Variants in LRRC7 observed in about 807,000 individuals in gnomAD.
LRRC7 encodes the protein leucine rich repeat containing 7, also known as leucine-rich repeat-containing protein 7.
Under a neutral mutation model 175.7 loss-of-function variants are expected in LRRC7, and 23 were observed. That is an observed-to-expected ratio of 0.13 (90% confidence interval 0.09 to 0.19). LRRC7 has a LOEUF of 0.19. Ranked by LOEUF, LRRC7 falls within the 10% of genes least tolerant of loss-of-function variation. LRRC7 has a pLI of 1.00. For missense variants in LRRC7, 1,354 were observed against 1,904.7 expected (o/e 0.71, Z 5.38); for synonymous variants, 685 against 680.9 (o/e 1.01, Z -0.09).
intron 7 of LRRC7, among the ~76,000 whole-genome samples, chr1:69,868,715 C>T (rs1466091899): frequency 2.6e-5 from 4 of 151,972 alleles, no homozygotes; most frequent in African/African-American, 4.8e-5. Flanking sequence ...AACAAAGTGC[C>T]ACAGACTTGT....
At chr1:69,844,891 T>C (rs1046412700) in intron 7 of LRRC7, among the ~76,000 whole-genome samples, 9 of 152,180 alleles carry the variant, frequency 5.9e-5, no homozygotes, top group African/African-American at 1.9e-4. Flanking sequence ...AAAAACACTT[T>C]CAACACAGAT....
At chr1:69,801,397 A>G (rs959980250) in intron 4 of LRRC7, among the ~76,000 whole-genome samples, 1 of 151,510 alleles carries the variant, frequency 6.6e-6, no homozygotes. Flanking sequence ...CTCACCACTC[A>G]TCATTGATCT....
At chr1:70,080,914 T>A (rs745390583) in intron 24 of LRRC7, among the ~76,000 whole-genome samples, 4 of 152,206 alleles carry the variant, frequency 2.6e-5, no homozygotes, top group Non-Finnish European at 5.9e-5. Context: ...TCCTATTAGA[T>A]CTCTCCTTTG....
intron 7 of LRRC7, among the ~76,000 whole-genome samples, chr1:69,913,102 G>A (rs991459423): frequency 1.3e-5 from 2 of 152,070 alleles, no homozygotes; most frequent in Admixed American, 6.5e-5. Context: ...CTCAAAATAT[G>A]TGACAGCTTA....
At chr1:69,925,196 G>T (rs576446152) in intron 7 of LRRC7, among the ~76,000 whole-genome samples, 5 of 152,170 alleles carry the variant, frequency 3.3e-5, no homozygotes, top group African/African-American at 7.2e-5. Context: ...GCTGGATTCG[G>T]TTTGCCAGTA....
intron 1 of LRRC7, among the ~76,000 whole-genome samples, chr1:69,591,275 G>A (rs2100957675): frequency 6.6e-6 from 1 of 152,140 alleles, no homozygotes; most frequent in South Asian, 2.1e-4. Flanking sequence ...GAGATGTTCA[G>A]TTACTGTGGA....
At chr1:69,647,664 T>A (rs1209322184) in intron 1 of LRRC7, among the ~76,000 whole-genome samples, 1 of 152,174 alleles carries the variant, frequency 6.6e-6, no homozygotes, top group Admixed American at 6.5e-5. Flanking sequence ...TGGAAAAATA[T>A]CTTTCAGTTC....
chr1:69,916,746 A>C (rs1465068832), intron 7 of LRRC7, among the ~76,000 whole-genome samples: 1 of 152,116 alleles, frequency 6.6e-6, no homozygotes, highest in Non-Finnish European at 1.5e-5. Context: ...ACTGGTTGAG[A>C]AGCTATTTAT....
chr1:69,746,775 CAG>C (rs1464890581), intron 2 of LRRC7, among the ~76,000 whole-genome samples: 2 of 152,042 alleles, frequency 1.3e-5, no homozygotes, highest in African/African-American at 4.8e-5. Flanking sequence ...CTATAGATGT[CAG>C]AGAAGAAGCT....
chr1:69,876,873 A>G (rs893042714), intron 7 of LRRC7, among the ~76,000 whole-genome samples: 5 of 152,188 alleles, frequency 3.3e-5, no homozygotes, highest in Admixed American at 2.6e-4. Flanking sequence ...GTGAAGCATT[A>G]TATTCAGTAC....
intron 7 of LRRC7, among the ~76,000 whole-genome samples, chr1:69,917,526 TA>T (rs767848434): frequency 7.2e-5 from 11 of 152,072 alleles, no homozygotes; most frequent in Admixed American, 2.0e-4. Context: ...TGACAATCAG[TA>T]AAGAGAGGAG....
chr1:69,885,804 C>T (rs1342784991), intron 7 of LRRC7, among the ~76,000 whole-genome samples: 1 of 142,738 alleles, frequency 7.0e-6, no homozygotes, highest in African/African-American at 2.7e-5. Flanking sequence ...CCCAGAGATT[C>T]TGGTATGTTG....
At chr1:69,671,651 T>C (rs1459994581) in intron 1 of LRRC7, among the ~76,000 whole-genome samples, 1 of 152,152 alleles carries the variant, frequency 6.6e-6, no homozygotes, top group Non-Finnish European at 1.5e-5. Flanking sequence ...CCCATGGTAG[T>C]GAGGCTTCCT....
chr1:69,698,066 G>C (rs891801865), intron 2 of LRRC7, among the ~76,000 whole-genome samples: 3 of 152,186 alleles, frequency 2.0e-5, no homozygotes, highest in Non-Finnish European at 2.9e-5. Context: ...AAGAGTTCAG[G>C]AAGTTTAGGG....
intron 26 of LRRC7, among the ~76,000 whole-genome samples, chr1:70,111,130 C>G (rs575680998): frequency 2.0e-5 from 3 of 152,248 alleles, no homozygotes; most frequent in Admixed American, 1.3e-4. Flanking sequence ...TAGCAAATAG[C>G]AAAAGATATA....
chr1:69,972,932 A>G (rs1652400385), intron 8 of LRRC7, among the ~76,000 whole-genome samples: 1 of 146,878 alleles, frequency 6.8e-6, no homozygotes, highest in Admixed American at 6.9e-5. Flanking sequence ...TTTAATATAT[A>G]TATTTATATA....
intron 1 of LRRC7, 28 bp downstream of exon 1, chr1:69,568,669 G>T: frequency 2.3e-6 from 3 of 1,312,452 alleles, no homozygotes; most frequent in Non-Finnish European, 3.0e-6. Flanking sequence ...GCTCCGTGGC[G>T]GAGGGTGCTG....
intron 2 of LRRC7, among the ~76,000 whole-genome samples, chr1:69,731,159 G>A (rs563078407): frequency 3.9e-5 from 6 of 152,114 alleles, no homozygotes; most frequent in Admixed American, 6.5e-5. Flanking sequence ...AAAAATAGCC[G>A]GATGTGGTGG....
intron 2 of LRRC7, among the ~76,000 whole-genome samples, chr1:69,702,788 A>G (rs1663531839): frequency 6.6e-6 from 1 of 152,160 alleles, no homozygotes; most frequent in African/African-American, 2.4e-5. Context: ...TATTATTAAG[A>G]TGAATATATT....
Sources: allele counts gnomAD v4.1 joint callset (sites outside exome capture counted in the v4.1 genomes callset), GRCh38; gene constraint gnomAD v4.1.1; transcripts MANE v1.5; gene names NCBI Gene and HGNC (gene_info 2026-07-23, HGNC 2026-07-21).